The following PITRM1 variants were observed in gnomAD, a reference collection of about 807,000 sequenced individuals.
The protein encoded by PITRM1 is pitrilysin metallopeptidase 1.
A neutral mutation model predicts 129.9 loss-of-function variants in PITRM1; 100 were observed. The observed-to-expected ratio is 0.77, with a 90% CI of 0.65 to 0.91. PITRM1 has a LOEUF of 0.91. PITRM1 is among the 40% of genes least tolerant of loss of function. The pLI is 0.00. For synonymous variants in PITRM1, 591 were observed against 508.8 expected, an observed-to-expected ratio of 1.16 and a Z score of -2.17; for missense variants, 1,471 against 1,318.3, an observed-to-expected ratio of 1.12 and a Z score of -1.79.
rs922287312 is a variant in PITRM1 at position 3,163,878 on chromosome 10, T to C, written c.638A>G (p.Asn213Ser). ...FNEMKGAFTD[N>S]ERIFSQHLQN... ...AAGGTGCTGGGAGAATATCCTCTCATTGTCTGTCTTGAAACGTAAAATAAA... is the reference window on the plus strand; with the variant it reads ...AAGGTGCTGGGAGAATATCCTCTCACTGTCTGTCTTGAAACGTAAAATAAA... The change falls in exon 7 of 27, where the codon AAT (asparagine) becomes AGT (serine). Residue 213 changes from asparagine to serine, a missense_variant. Transcript: ENST00000224949. 10 of 1,598,526 alleles carry C rather than the reference T, an allele frequency of 6.3e-6. No homozygotes were observed. Among genetic ancestry groups the C allele is most frequent in the Admixed American group, 5.2e-5 (3 of 57,640 alleles).
chr10:3,151,179 T>C, intron 15 of PITRM1, 68 bp downstream of exon 15: 2 of 842,846 alleles, frequency 2.4e-6, no homozygotes, highest in Non-Finnish European at 4.0e-6. Context: ...CTACTGCTTC[T>C]GTGAGGAGTG....
In PITRM1 at chr10:3,161,448, T is replaced by G. The variant is rs532230700; in HGVS notation, c.792-1118A>C. Among the ~76,000 whole-genome samples the G allele has an allele frequency of 2.6e-5, 4 of 152,366 alleles. No homozygotes were observed. In the East Asian group the frequency reaches 7.7e-4, roughly 29 times the overall value. The stretch of plus-strand genomic sequence containing the variant: ...TATAGCCTGAGCTATGGTTAAGGTT[T>G]GGGAAACTAGTATCTTACAGAACCT... On this transcript the variant is annotated intron_variant, in intron 7 of 26. Coordinates refer to ENST00000224949, the MANE Select transcript of PITRM1 (RefSeq NM_014889.4).
chr10:3,158,233 C>T (rs1437244752), intron 10 of PITRM1, 80 bp from the exon 11 acceptor site: 11 of 794,880 alleles, frequency 1.4e-5, no homozygotes, highest in Non-Finnish European at 2.3e-5. Context: ...ATTTAAAGAT[C>T]AGAACGAAGC....
At chr10:3,141,342 A>T (rs564811472) in intron 23 of PITRM1, among the ~76,000 whole-genome samples, 1 of 152,366 alleles carries the variant, frequency 6.6e-6, no homozygotes, top group South Asian at 2.1e-4. Flanking sequence ...CCAGCACCAC[A>T]CTGCTTAACT....
At chr10:3,157,896 T>G (rs1842106780) in intron 11 of PITRM1, 144 bp downstream of exon 11, 8 of 660,402 alleles carry the variant, frequency 1.2e-5, no homozygotes, top group Non-Finnish European at 2.2e-5. Context: ...GTAGCAGAGA[T>G]AATATTTAAA....
chr10:3,144,457 T>A, intron 21 of PITRM1, 91 bp from the exon 22 acceptor site: 1 of 737,940 alleles, frequency 1.4e-6, no homozygotes, highest in Non-Finnish European at 2.3e-6. Context: ...TTCACACAGC[T>A]AATAACAAGT....
chr10:3,145,602 C>T lies in PITRM1; in HGVS notation c.2451G>A (p.Thr817=), dbSNP rs375275458. The change falls in exon 21 of 27, where the codon ACG becomes ACA. Residue 817 remains threonine, a synonymous_variant. Coordinates refer to ENST00000224949, the MANE Select transcript of PITRM1 (RefSeq NM_014889.4). ...CAGCACCACCAGTGCATACCTCGAC[C>T]GTGTGTGGGCGCACAGGCCTCCGTT... The part of the protein sequence containing the change: ...KKERRPVRPH[T]VEKPVPSSSG... 322 of 1,549,810 alleles carry T rather than the reference C, an allele frequency of 2.1e-4. No individual in the cohort carries two copies. The African/African-American group carries it at 2.9e-3, about 14-fold the overall frequency.
chr10:3,159,017 T>G lies in PITRM1; in HGVS notation c.1033A>C (p.Thr345Pro). The change falls in exon 10 of 27, where the codon ACA becomes CCA. Residue 345 changes from threonine to proline, a missense_variant. Physicochemically the swap from Thr to Pro is conservative, Grantham distance 38 (BLOSUM62 -1). Transcript: ENST00000224949. Reference sequence around the variant, plus strand: ...AAGAGTGAAGACAGAAGACTTAATGTGAAGGCTTCAAATGTGTCGGTGATG... The same window carrying G: ...AAGAGTGAAGACAGAAGACTTAATGGGAAGGCTTCAAATGTGTCGGTGATG... ...PDITDTFEAF[T>P]LSLLSSLLTS... is the part of the protein sequence containing the mutation. 6.2e-7 allele frequency: 1 copy of G among 1,612,770 alleles called. No individual in the cohort carries two copies. The highest frequency in any genetic ancestry group is 8.5e-7 in the Non-Finnish European group (1 of 1,179,508).
chr10:3,158,089 T>C lies in PITRM1; in HGVS notation c.1201A>G (p.Ile401Val), dbSNP rs758075744. ...TCTATGAGGCTTCTGACGGTCTCAA[T>C]GTCTTTCTCCGCAATCCCTTGGAGG... ...VGLQGIAEKD[I>V]ETVRSLIDRT... Residue 401 changes from isoleucine to valine, a missense_variant, in exon 11 of 27, where the codon ATT becomes GTT. Coordinates refer to ENST00000224949, the MANE Select transcript of PITRM1 (RefSeq NM_014889.4). 1 of 1,612,050 alleles carries C rather than the reference T, an allele frequency of 6.2e-7. No individual in the cohort carries two copies. The highest frequency in any genetic ancestry group is 8.5e-7 in the Non-Finnish European group (1 of 1,178,170).
chr10:3,171,653 G>A (rs537714591), intron 1 of PITRM1, among the ~76,000 whole-genome samples: 8 of 152,136 alleles, frequency 5.3e-5, no homozygotes, highest in Admixed American at 3.3e-4. Flanking sequence ...CGGCCAGGCT[G>A]GTCTTGAACT....
At position 3,144,202 on chromosome 10, in the gene PITRM1, G is replaced by A. The variant is rs866212676; in HGVS notation, c.2532+90C>T. The A allele has an allele frequency of 4.7e-5, 35 of 740,050 alleles. 1 individual carries two copies. The highest frequency in any genetic ancestry group is 3.5e-4 in the South Asian group (21 of 59,930). 45.8% of individuals were successfully genotyped at this position (740,050 alleles called of 1,614,324 possible). A position where few individuals can be genotyped will look rare whatever the true frequency, so the allele number is the denominator to read the frequency against. On this transcript the variant is annotated intron_variant, in intron 22 of 26. Coordinates refer to ENST00000224949, the MANE Select transcript of PITRM1 (RefSeq NM_014889.4). Reference sequence around the variant, plus strand: ...GGACACGCCAGCCCCACAGACAGGCGGACGGAGGAACATTCGAACATCAGT... The same window carrying A: ...GGACACGCCAGCCCCACAGACAGGCAGACGGAGGAACATTCGAACATCAGT...
At chr10:3,165,746 G>A (rs899881234) in intron 4 of PITRM1, among the ~76,000 whole-genome samples, 11 of 152,120 alleles carry the variant, frequency 7.2e-5, no homozygotes, top group African/African-American at 1.2e-4. Context: ...TGCACTCGAC[G>A]GGCACCAGGG....
At chr10:3,142,597 C>CAAGGGGCAGCCAGAGTTCGGAAG (rs1840363292) in intron 23 of PITRM1, among the ~76,000 whole-genome samples, 1 of 152,234 alleles carries the variant, frequency 6.6e-6, no homozygotes, top group Non-Finnish European at 1.5e-5. Context: ...TGAACACAGC[C>CAAGGGGCAGCCAGAGTTCGGAAG]AAGGGGCAGC....
intron 5 of PITRM1, 28 bp downstream of exon 5, chr10:3,165,385 A>G (rs764307221): frequency 3.1e-5 from 50 of 1,605,088 alleles, no homozygotes; most frequent in Non-Finnish European, 4.2e-5. Context: ...TAAAGTCTGT[A>G]TCAACTAGTT....
chr10:3,172,749 C>G lies in PITRM1; in HGVS notation c.24G>C (p.Gln8His), dbSNP rs1311428601. The G allele has an allele frequency of 1.9e-6, 3 of 1,546,136 alleles. No homozygotes were observed. Among genetic ancestry groups the G allele is most frequent in the Admixed American group, 3.9e-5 (2 of 50,864 alleles). The change falls in exon 1 of 27, where the codon CAG becomes CAC. Residue 8 changes from glutamine (Q) to histidine (H), a missense_variant. Physicochemically the swap from Gln to His is conservative, Grantham distance 24. Coordinates refer to ENST00000224949, the MANE Select transcript of PITRM1 (RefSeq NM_014889.4). ...TCAGCCGCCTCAGCACACACAGGCC[C>G]TGCCGCCCGCCGCAGCGCCACATTG... MWRCGGRQGLCVLRRLSG... is the reference protein window; with the variant it reads MWRCGGRHGLCVLRRLSG...
At chr10:3,148,341 A>C (rs1434917409) in intron 16 of PITRM1, 50 bp from the exon 17 acceptor site, 2 of 1,534,972 alleles carry the variant, frequency 1.3e-6, no homozygotes, top group African/African-American at 1.4e-5. Context: ...TCTTTACTGA[A>C]TCATTTTTAA....
Position 3,143,396 on chromosome 10 carries a change from G to C in PITRM1, c.2638C>G (p.His880Asp). ...CGACCTACACCCTCCTACCTGGCAT[G>C]ATCTGGGTCCGTGTAGGGGACAGTT... The part of the protein sequence containing the change: ...IRTVPYTDPD[H>D]ASLKILARLM... The change falls in exon 23 of 27, where the codon CAT (histidine) becomes GAT (aspartate). Residue 880 changes from histidine to aspartate, a missense_variant. By Grantham distance (81) the His-to-Asp change is moderately conservative (BLOSUM62 -1). Transcript: ENST00000224949. 1 of 1,603,466 alleles carries C rather than the reference G, an allele frequency of 6.2e-7. No individual in the cohort carries two copies. The highest frequency in any genetic ancestry group is 1.1e-5 in the South Asian group (1 of 90,888).
intron 4 of PITRM1, 78 bp from the exon 5 acceptor site, chr10:3,165,605 C>T: frequency 1.2e-6 from 1 of 867,916 alleles, no homozygotes; most frequent in Non-Finnish European, 1.9e-6. Context: ...ACTCATTCCC[C>T]CTTTGTCCTA....
intron 14 of PITRM1, among the ~76,000 whole-genome samples, chr10:3,152,136 G>C (rs959050296): frequency 1.3e-5 from 2 of 152,150 alleles, no homozygotes; most frequent in African/African-American, 4.8e-5. Context: ...GTGGTGCTTA[G>C]AAAGACACTT....
Sources: gnomAD v4.1 joint callset for allele counts (sites outside exome capture counted in the v4.1 genomes callset) on GRCh38, gnomAD v4.1.1 for gene constraint, MANE v1.5 for transcripts, NCBI Gene and HGNC (gene_info 2026-07-23, HGNC 2026-07-21) for gene names.